PCDHA6: variants seen among roughly 807,000 people sequenced by gnomAD.
PCDHA6 encodes the protein protocadherin alpha-6.
A neutral mutation model predicts 60.3 loss-of-function variants in PCDHA6; 55 were observed. The ratio of observed to expected loss-of-function variants is 0.91; its 90% confidence interval spans 0.73 to 1.14. The LOEUF is 1.14. Among genes scored for constraint, PCDHA6 ranks in the 50% most tolerant of loss-of-function variants. The probability of loss-of-function intolerance (pLI) is 0.00; values close to 1 mark genes in which losing one functional copy is unlikely to be tolerated. For missense variants in PCDHA6, 1,327 were observed against 1,256.5 expected (o/e 1.06, Z -0.85); for synonymous variants, 652 against 557.9 (o/e 1.17, Z -2.38).
chr5:141,009,576 T>C (rs2098411921), intron 3 of PCDHA6, 51 bp from the exon 4 acceptor site: 1 of 1,583,566 alleles, frequency 6.3e-7, no homozygotes. Flanking sequence ...CAGTGTGGCA[T>C]CAAGAGCATG....
At chr5:140,928,282 C>G in intron 1 of PCDHA6, 1 of 1,614,166 alleles carries the variant, frequency 6.2e-7, no homozygotes, top group Non-Finnish European at 8.5e-7. Flanking sequence ...TGGGGCCTCT[C>G]TAGGCCGAGT....
At chr5:140,892,616 G>A (rs781995267) in intron 1 of PCDHA6, among the ~76,000 whole-genome samples, 1 of 151,910 alleles carries the variant, frequency 6.6e-6, no homozygotes, top group Admixed American at 6.6e-5. Flanking sequence ...TTTATTTCCA[G>A]TTGGTACATA....
At chr5:140,863,033 C>T (rs1554157551) in intron 1 of PCDHA6, 1 of 557,426 alleles carries the variant, frequency 1.8e-6, no homozygotes, top group Admixed American at 1.9e-5. Context: ...GCAACAGCTG[C>T]ATCTGTCAGC....
intron 1 of PCDHA6, chr5:140,835,346 G>A (rs1773586509): frequency 6.2e-7 from 1 of 1,613,652 alleles, no homozygotes; most frequent in African/African-American, 1.3e-5. Flanking sequence ...TCCCAGTCGA[G>A]GCTGTCGATA....
At chr5:140,962,716 G>A (rs1268660102) in intron 1 of PCDHA6, among the ~76,000 whole-genome samples, 2 of 152,304 alleles carry the variant, frequency 1.3e-5, no homozygotes, top group East Asian at 3.9e-4. Context: ...ATATTGGAAA[G>A]TATTTTCCTT....
At position 140,828,380 on chromosome 5, in the gene PCDHA6, G is replaced by T. The variant is rs150162226; in HGVS notation, c.289G>T (p.Gly97Trp). The T allele has an allele frequency of 6.2e-6, 10 of 1,603,536 alleles. No individual in the cohort carries two copies. Among genetic ancestry groups the T allele is most frequent in the African/African-American group, 1.3e-5 (1 of 74,690 alleles). Residue 97 changes from glycine (G) to tryptophan (W), a missense_variant, in exon 1 of 4, where the codon GGG becomes TGG. Gly to Trp is a radical substitution (Grantham distance 184). Transcript: ENST00000529310. ...TCGGATCGACCGCGAGGAGCTGTGC[G>T]GGCGGAGCGCGGAGTGCAGCATCCA... ...NSRIDREELC[G>W]RSAECSIHLE...
chr5:140,904,714 C>T (rs1306730472), intron 1 of PCDHA6, among the ~76,000 whole-genome samples: 1 of 152,110 alleles, frequency 6.6e-6, no homozygotes, highest in African/African-American at 2.4e-5. Flanking sequence ...TCACCACATT[C>T]TGGCCAACAT....
At position 140,857,274 on chromosome 5, in the gene PCDHA6, AC is replaced by A. The variant is rs782434085; in HGVS notation, c.2394+26790del. 196 of 1,598,554 alleles carry A rather than the reference AC, an allele frequency of 1.2e-4. 15 individuals are homozygous for A. The highest frequency in any genetic ancestry group is 3.4e-5 in the Admixed American group (2 of 59,316). On this transcript the variant is annotated intron_variant, in intron 1 of 3. Transcript: ENST00000529310. ...AAGAATTACTACTCATTGGTGCTGG[AC>A]AGCGCTCTGGACCGCGAGAGGGTGT...
chr5:140,870,957 C>T, intron 1 of PCDHA6: 1 of 1,613,704 alleles, frequency 6.2e-7, no homozygotes, highest in Non-Finnish European at 8.5e-7. Context: ...GCGGCTCGCG[C>T]ATCCCGTTCC....
intron 1 of PCDHA6, chr5:140,852,251 G>A: frequency 1.9e-6 from 1 of 527,556 alleles, no homozygotes; most frequent in Non-Finnish European, 2.5e-6. Flanking sequence ...ACACACTTTT[G>A]GAATATGCTA....
chr5:141,010,325 G>T lies in PCDHA6; in HGVS notation c.*388G>T. On this transcript the variant is annotated 3_prime_UTR_variant, in exon 4 of 4. Coordinates refer to ENST00000529310, the MANE Select transcript of PCDHA6 (RefSeq NM_018909.4). Reference sequence around the variant, plus strand: ...GAAAAGTTTTGAGATTGAGCAGCTTGGGAGTTTGTGGCCACTGGGTATGTG... The same window carrying T: ...GAAAAGTTTTGAGATTGAGCAGCTTTGGAGTTTGTGGCCACTGGGTATGTG... 1 of 1,539,506 alleles carries T rather than the reference G, an allele frequency of 6.5e-7. No individual in the cohort carries two copies. The highest frequency in any genetic ancestry group is 8.7e-7 in the Non-Finnish European group (1 of 1,142,888).
rs2150184888 is a variant in PCDHA6, at chr5:140,830,320, C to T, written c.2229C>T (p.Ser743=). 8.1e-6 allele frequency: 13 copies of T among 1,613,872 alleles called. No individual in the cohort carries two copies. Among genetic ancestry groups the T allele is most frequent in the African/African-American group, 2.7e-5 (2 of 74,922 alleles). The change falls in exon 1 of 4, where the codon AGC becomes AGT. Residue 743 remains serine (S), a synonymous_variant. Coordinates refer to ENST00000529310, the MANE Select transcript of PCDHA6 (RefSeq NM_018909.4). ...TADKPTLVCS[S]AVGSWSYSQQ... is the part of the protein sequence containing the mutation. ...ACAAGCCCACGCTGGTGTGCTCCAGCGCAGTGGGGAGCTGGTCGTACTCGC... is the reference window on the plus strand; with the variant it reads ...ACAAGCCCACGCTGGTGTGCTCCAGTGCAGTGGGGAGCTGGTCGTACTCGC...
intron 3 of PCDHA6, among the ~76,000 whole-genome samples, chr5:140,996,928 G>A (rs114173550): frequency 6.6e-6 from 1 of 152,032 alleles, no homozygotes; most frequent in African/African-American, 2.4e-5. Flanking sequence ...AAAAAATATA[G>A]CATTTTTGCA....
intron 3 of PCDHA6, among the ~76,000 whole-genome samples, chr5:140,996,349 A>G (rs2097722990): frequency 6.6e-6 from 1 of 152,184 alleles, no homozygotes; most frequent in African/African-American, 2.4e-5. Flanking sequence ...AACCCAACCA[A>G]AGTCAGAAGC....
At chr5:140,876,957 G>T (rs2056730695) in intron 1 of PCDHA6, 7 of 1,613,178 alleles carry the variant, frequency 4.3e-6, no homozygotes, top group Non-Finnish European at 5.9e-6. Context: ...ACTCGCTGGT[G>T]GAGCGGCGGG....
intron 1 of PCDHA6, chr5:140,848,375 C>T: frequency 1.7e-6 from 2 of 1,165,908 alleles, no homozygotes; most frequent in Admixed American, 4.7e-5. Flanking sequence ...AGGCTCAATT[C>T]TTTTTCACTC....
chr5:140,858,297 A>G, intron 1 of PCDHA6: 2 of 1,597,406 alleles, frequency 1.3e-6, no homozygotes, highest in Non-Finnish European at 1.7e-6. Flanking sequence ...TCTTACTCGC[A>G]GCAGAGGCGG....
At chr5:140,836,351 G>C (rs151141737) in intron 1 of PCDHA6, 18 of 1,613,578 alleles carry the variant, frequency 1.1e-5, no homozygotes, top group Non-Finnish European at 1.5e-5. Flanking sequence ...ACCACGGGGA[G>C]CCCTCGCTGA....
In PCDHA6 at chr5:140,852,553, G is replaced by A. The variant is rs1414701990; in HGVS notation, c.2394+22068G>A. On this transcript the variant is annotated intron_variant, in intron 1 of 3. Coordinates refer to ENST00000529310, the MANE Select transcript of PCDHA6 (RefSeq NM_018909.4). ...GGCCTCCCAAAGTGCTGGGATTAAA[G>A]CTGTGAGCCACTGTGCCAAGGCTTT... is the stretch of plus-strand genomic sequence containing the variant. 2.0e-5 allele frequency: 13 copies of A among 647,952 alleles called. 1 individual carries two copies. The highest frequency in any genetic ancestry group is 2.2e-5 in the Non-Finnish European group (11 of 508,652). The allele number at this position is 647,952 out of a possible 1,614,324, so 40.1% of individuals were successfully genotyped here.
Sources: allele counts gnomAD v4.1 joint callset (sites outside exome capture counted in the v4.1 genomes callset), GRCh38; gene constraint gnomAD v4.1.1; transcripts MANE v1.5; gene names NCBI Gene and HGNC (gene_info 2026-07-23, HGNC 2026-07-21).